The following GNPTAB variants were observed in gnomAD, a reference collection of about 807,000 sequenced individuals.
The protein encoded by GNPTAB is N-acetylglucosamine-1-phosphate transferase subunits alpha and beta.
GNPTAB carries 92 observed loss-of-function variants against 136.6 expected under a neutral mutation model. The observed-to-expected ratio is 0.67, with a 90% CI of 0.57 to 0.80. The LOEUF (loss-of-function observed/expected upper bound fraction) is 0.80, where lower values mean the gene tolerates loss of function less well. Among genes scored for constraint, GNPTAB ranks in the 30% least tolerant of loss-of-function variants. The probability of loss-of-function intolerance (pLI) is 0.00; values close to 1 mark genes in which losing one functional copy is unlikely to be tolerated. For synonymous variants in GNPTAB, 512 were observed against 535.1 expected, an observed-to-expected ratio of 0.96 and a Z score of 0.60; for missense variants, 1,343 against 1,501.8, an observed-to-expected ratio of 0.89 and a Z score of 1.75.
chr12:101,820,276 T>C (rs1398142623), intron 1 of GNPTAB, among the ~76,000 whole-genome samples: 1 of 152,214 alleles, frequency 6.6e-6, no homozygotes, highest in Non-Finnish European at 1.5e-5. Flanking sequence ...GCAAATGAAC[T>C]TGTCTATCTC....
chr12:101,799,916 T>C (rs1167210796), intron 1 of GNPTAB, among the ~76,000 whole-genome samples: 1 of 152,124 alleles, frequency 6.6e-6, no homozygotes, highest in Non-Finnish European at 1.5e-5. Context: ...TCATTACACA[T>C]GGTACTCTAT....
chr12:101,764,892 G>C lies in GNPTAB; in HGVS notation c.2025C>G (p.Phe675Leu), dbSNP rs1229987552. 1.2e-6 allele frequency: 2 copies of C among 1,614,140 alleles called. No homozygotes were observed. Among genetic ancestry groups the C allele is most frequent in the Non-Finnish European group, 1.7e-6 (2 of 1,180,032 alleles). ...TAACATCATGTCTCTTAAACTTCGG[G>C]AAGCGTTTTTCTTTGGGAATATCCT... ...LFEDIPKEKR[F>L]PKFKRHDVNS... The change falls in exon 13 of 21, where the codon TTC becomes TTG. Residue 675 changes from phenylalanine to leucine, a missense_variant. Transcript: ENST00000299314.
At chr12:101,826,934 T>C (rs1871111014) in intron 1 of GNPTAB, among the ~76,000 whole-genome samples, 1 of 148,206 alleles carries the variant, frequency 6.7e-6, no homozygotes, top group Non-Finnish European at 1.5e-5. Flanking sequence ...TTCTGAAGGC[T>C]CTCCCTGTGG....
chr12:101,759,860 C>T (rs1262399495), intron 16 of GNPTAB, among the ~76,000 whole-genome samples, 170 bp downstream of exon 16: 1 of 152,190 alleles, frequency 6.6e-6, no homozygotes, highest in East Asian at 1.9e-4. Context: ...CAGTAAGATT[C>T]CAAAGCAAGC....
At chr12:101,806,415 T>C (rs1458808170) in intron 1 of GNPTAB, among the ~76,000 whole-genome samples, 3 of 152,128 alleles carry the variant, frequency 2.0e-5, no homozygotes, top group Non-Finnish European at 4.4e-5. Flanking sequence ...AAGGAAGAGA[T>C]GACTGAGGAA....
At chr12:101,773,625 A>C (rs1288429607) in intron 7 of GNPTAB, 2 of 153,398 alleles carry the variant, frequency 1.3e-5, no homozygotes, top group Admixed American at 1.3e-4. Flanking sequence ...TAAAAGAGCA[A>C]GAAGAGGTTT....
chr12:101,805,904 G>A (rs915143915), intron 1 of GNPTAB, among the ~76,000 whole-genome samples: 4 of 151,974 alleles, frequency 2.6e-5, no homozygotes, highest in East Asian at 1.9e-4. Context: ...CGATAAAAAC[G>A]AAATATCTAA....
rs779283622 is a variant in GNPTAB, at chr12:101,749,209, A to G, written c.3603-18T>C. ...AAGCCCTCCTGTGCAGAGAGAAGAAAGCAACTATGTACTTCTGTATATGGT... is the reference window on the plus strand; with the variant it reads ...AAGCCCTCCTGTGCAGAGAGAAGAAGGCAACTATGTACTTCTGTATATGGT... On this transcript the variant is annotated intron_variant, in intron 19 of 20. Transcript: ENST00000299314. 2.1e-6 allele frequency: 3 copies of G among 1,447,808 alleles called. No individual in the cohort carries two copies. The highest frequency in any genetic ancestry group is 1.4e-5 in the African/African-American group (1 of 71,076). 89.7% of individuals were successfully genotyped at this position (1,447,808 alleles called of 1,614,324 possible).
At chr12:101,824,755 A>G (rs11829685) in intron 1 of GNPTAB, among the ~76,000 whole-genome samples, 3 of 151,654 alleles carry the variant, frequency 2.0e-5, no homozygotes, top group African/African-American at 4.8e-5. Flanking sequence ...CTCATCCTAT[A>G]TTTTTCAATT....
intron 7 of GNPTAB, 55 bp downstream of exon 7, chr12:101,780,097 T>A (rs1235655537): frequency 3.6e-5 from 55 of 1,536,102 alleles, no homozygotes; most frequent in Non-Finnish European, 4.9e-5. Context: ...AAGAAAAGAA[T>A]CACACATTAA....
intron 19 of GNPTAB, among the ~76,000 whole-genome samples, 174 bp from the exon 20 acceptor site, chr12:101,749,365 T>C (rs1242754999): frequency 1.3e-5 from 2 of 152,258 alleles, no homozygotes; most frequent in Non-Finnish European, 2.9e-5. Flanking sequence ...TCAGATTTTT[T>C]ATTATGTCAT....
intron 19 of GNPTAB, among the ~76,000 whole-genome samples, chr12:101,750,089 G>C (rs893518911): frequency 6.6e-6 from 1 of 152,192 alleles, no homozygotes; most frequent in Non-Finnish European, 1.5e-5. Flanking sequence ...AGACATTCCT[G>C]AGGTAGAATC....
rs1952991924 is a variant in GNPTAB, at chr12:101,761,361, CAT to C, written c.2916-17_2916-16del. The C allele has an allele frequency of 1.9e-6, 3 of 1,607,504 alleles. No individual in the cohort carries two copies. The highest frequency in any genetic ancestry group is 2.2e-5 in the South Asian group (2 of 90,938). On this transcript the variant is annotated splice_polypyrimidine_tract_variant and intron_variant, in intron 14 of 20. Coordinates refer to ENST00000299314, the MANE Select transcript of GNPTAB (RefSeq NM_024312.5). ...CTTCAGGGAACCTGTCCAAATATAA[CAT>C]ATTACAAACTCTGGATATTCAAAGT... is the stretch of plus-strand genomic sequence containing the variant.
At chr12:101,781,919 G>A (rs772060775) in intron 5 of GNPTAB, among the ~76,000 whole-genome samples, 3 of 152,114 alleles carry the variant, frequency 2.0e-5, no homozygotes, top group Non-Finnish European at 4.4e-5. Flanking sequence ...CATCTTCATG[G>A]ATATAACAAA....
chr12:101,815,013 T>A (rs1870444588), intron 1 of GNPTAB, among the ~76,000 whole-genome samples: 1 of 152,154 alleles, frequency 6.6e-6, no homozygotes, highest in African/African-American at 2.4e-5. Context: ...TATCTTGGGG[T>A]CCCAGGAGTC....
At chr12:101,815,715 T>C (rs181935888) in intron 1 of GNPTAB, among the ~76,000 whole-genome samples, 3 of 152,078 alleles carry the variant, frequency 2.0e-5, no homozygotes, top group Admixed American at 2.0e-4. Flanking sequence ...TGCTCACTGA[T>C]TCTGCTCCCA....
Position 101,764,222 on chromosome 12 carries a change from A to AC in GNPTAB, c.2694dup (p.Tyr899ValfsTer21). 6.2e-7 allele frequency: 1 copy of AC among 1,614,088 alleles called. No individual in the cohort carries two copies. Among genetic ancestry groups the AC allele is most frequent in the South Asian group, 1.1e-5 (1 of 91,082 alleles). ...CTTACGTCGAGAAGATCTTGGAAAT[A>AC]CTTTTTTTTCTCCCATGGCAAAAAG... On this transcript the variant is annotated frameshift_variant, in exon 13 of 21. Transcript: ENST00000299314. LOFTEE classifies it high-confidence loss of function.
At chr12:101,829,587 C>CA (rs987012107) in intron 1 of GNPTAB, among the ~76,000 whole-genome samples, 45 of 151,918 alleles carry the variant, frequency 3.0e-4, no homozygotes, top group Non-Finnish European at 5.3e-4. Context: ...TAATCAAGGC[C>CA]AAAAAAATCA....
chr12:101,818,435 T>C (rs1371712332), intron 1 of GNPTAB, among the ~76,000 whole-genome samples: 1 of 150,282 alleles, frequency 6.7e-6, no homozygotes, highest in Admixed American at 6.7e-5. Flanking sequence ...TGGAGTCCAG[T>C]AGCACGATCT....
Sources: gnomAD v4.1 joint callset for allele counts (sites outside exome capture counted in the v4.1 genomes callset) on GRCh38, gnomAD v4.1.1 for gene constraint, MANE v1.5 for transcripts, NCBI Gene and HGNC (gene_info 2026-07-23, HGNC 2026-07-21) for gene names.